Variants in ALK observed in about 807,000 individuals in gnomAD.
ALK encodes the protein ALK tyrosine kinase receptor.
In ALK, 74 loss-of-function variants were observed where a neutral mutation model predicts 163.1. That is an observed-to-expected ratio of 0.45 (90% CI 0.38 to 0.55). The LOEUF (loss-of-function observed/expected upper bound fraction) is 0.55, where lower values mean the gene tolerates loss of function less well. Ranked by LOEUF, ALK falls within the 20% of genes least tolerant of loss-of-function variation. The pLI, the probability that ALK is intolerant of heterozygous loss-of-function variation, is 0.00. For synonymous variants in ALK, 960 were observed against 843.2 expected, an observed-to-expected ratio of 1.14 and a Z score of -2.40; for missense variants, 2,063 against 2,105.3, an observed-to-expected ratio of 0.98 and a Z score of 0.39.
intron 1 of ALK, among the ~76,000 whole-genome samples, chr2:29,766,711 G>A (rs192066994): frequency 1.4e-4 from 21 of 152,308 alleles, no homozygotes; most frequent in Admixed American, 1.4e-3. Context: ...CAGGCCTGGA[G>A]CAAAGCTGAA....
intron 3 of ALK, among the ~76,000 whole-genome samples, chr2:29,686,330 G>A (rs1203336810): frequency 1.3e-5 from 2 of 152,168 alleles, no homozygotes; most frequent in African/African-American, 2.4e-5. Flanking sequence ...TCTTGGCTCT[G>A]TGGTACAAAG....
intron 1 of ALK, among the ~76,000 whole-genome samples, chr2:29,808,339 G>A (rs561067175): frequency 1.3e-5 from 2 of 152,124 alleles, no homozygotes; most frequent in East Asian, 1.9e-4. Flanking sequence ...AGGCAGCCTC[G>A]TCTGAAAAGC....
chr2:29,609,086 G>A (rs763882346), intron 3 of ALK, among the ~76,000 whole-genome samples: 10 of 152,084 alleles, frequency 6.6e-5, no homozygotes, highest in Non-Finnish European at 1.5e-4. Flanking sequence ...ACCATGCCTG[G>A]CTAAGTTTTG....
At chr2:29,508,374 T>G (rs967896081) in intron 4 of ALK, among the ~76,000 whole-genome samples, 1 of 152,082 alleles carries the variant, frequency 6.6e-6, no homozygotes, top group African/African-American at 2.4e-5. Flanking sequence ...CCATAAAAAA[T>G]GATGAGTTCA....
intron 3 of ALK, among the ~76,000 whole-genome samples, chr2:29,640,825 G>A (rs1442094004): frequency 1.3e-5 from 2 of 152,070 alleles, no homozygotes; most frequent in Non-Finnish European, 1.5e-5. Flanking sequence ...TTATGGAAGG[G>A]GTCCATATGG....
At chr2:29,906,886 C>T (rs1192119227) in intron 1 of ALK, among the ~76,000 whole-genome samples, 3 of 149,760 alleles carry the variant, frequency 2.0e-5, no homozygotes, top group Admixed American at 2.0e-4. Flanking sequence ...ACAGGGAAGC[C>T]TTGGAAAATA....
chr2:29,672,673 G>A (rs1417086984), intron 3 of ALK, among the ~76,000 whole-genome samples: 3 of 152,086 alleles, frequency 2.0e-5, no homozygotes, highest in East Asian at 1.9e-4. Flanking sequence ...ATGATTTATA[G>A]TCCTTTGGGT....
intron 1 of ALK, among the ~76,000 whole-genome samples, chr2:29,866,052 C>A (rs1666427931): frequency 1.3e-5 from 2 of 152,122 alleles, no homozygotes; most frequent in African/African-American, 4.8e-5. Flanking sequence ...ACTAACCTAA[C>A]AGTTGTCCCC....
intron 3 of ALK, among the ~76,000 whole-genome samples, chr2:29,532,616 C>A (rs562593114): frequency 6.6e-6 from 1 of 152,284 alleles, no homozygotes; most frequent in African/African-American, 2.4e-5. Flanking sequence ...TGCAACTGGT[C>A]TCCACAGAAA....
chr2:29,659,706 T>C (rs1677292436), intron 3 of ALK, among the ~76,000 whole-genome samples: 1 of 152,140 alleles, frequency 6.6e-6, no homozygotes. Flanking sequence ...AGACCAGGCA[T>C]TTCTGAGGGT....
chr2:29,200,713 A>G (rs1339149910), intron 26 of ALK, among the ~76,000 whole-genome samples: 1 of 148,576 alleles, frequency 6.7e-6, no homozygotes. Flanking sequence ...AAAATCAAAT[A>G]TACATACGTA....
At position 29,755,971 on chromosome 2, in the gene ALK, G is replaced by A. The variant is rs116332527; in HGVS notation, c.668-38274C>T. Among the ~76,000 whole-genome samples the A allele has an allele frequency of 8.0e-3, 1,211 of 152,278 alleles. 18 individuals carry two copies. The highest frequency in any genetic ancestry group is 0.028 in the African/African-American group (1,154 of 41,550). ...AATAAGTACATGCAAGGAGGCTGCCGTTGGCCCAGATGCACCTCAGTTGTG... is the reference window on the plus strand; with the variant it reads ...AATAAGTACATGCAAGGAGGCTGCCATTGGCCCAGATGCACCTCAGTTGTG... On this transcript the variant is annotated intron_variant, in intron 1 of 28. Coordinates refer to ENST00000389048, the MANE Select transcript of ALK (RefSeq NM_004304.5).
chr2:29,479,016 T>C (rs1230023866), intron 4 of ALK, among the ~76,000 whole-genome samples: 1 of 152,134 alleles, frequency 6.6e-6, no homozygotes, highest in African/African-American at 2.4e-5. Context: ...TGCCATGACA[T>C]CCTGTGTCCT....
At chr2:29,448,017 G>GT (rs1309236777) in intron 4 of ALK, among the ~76,000 whole-genome samples, 2 of 152,150 alleles carry the variant, frequency 1.3e-5, no homozygotes, top group Non-Finnish European at 2.9e-5. Flanking sequence ...AACATTCTTG[G>GT]TTTTTTGCAT....
chr2:29,242,324 C>T (rs1173633207), intron 12 of ALK, among the ~76,000 whole-genome samples: 1 of 152,230 alleles, frequency 6.6e-6, no homozygotes, highest in Non-Finnish European at 1.5e-5. Flanking sequence ...CTACCCACTC[C>T]TGCTGTGGTT....
chr2:29,656,407 T>C (rs1194575932), intron 3 of ALK, among the ~76,000 whole-genome samples: 1 of 152,182 alleles, frequency 6.6e-6, no homozygotes, highest in East Asian at 1.9e-4. Context: ...ACTGTAAGCA[T>C]GTATTTAAAC....
At chr2:29,404,028 G>C (rs766011998) in intron 4 of ALK, among the ~76,000 whole-genome samples, 19 of 152,146 alleles carry the variant, frequency 1.2e-4, no homozygotes, top group Non-Finnish European at 2.2e-4. Flanking sequence ...TGTAGGCCGG[G>C]CATGTTAGCT....
At chr2:29,429,969 T>C (rs1670234684) in intron 4 of ALK, among the ~76,000 whole-genome samples, 1 of 151,960 alleles carries the variant, frequency 6.6e-6, no homozygotes, top group Admixed American at 6.6e-5. Context: ...GAAAGAATAG[T>C]CTATAAAAAA....
intron 5 of ALK, among the ~76,000 whole-genome samples, chr2:29,366,460 G>T (rs1200044666): frequency 6.6e-6 from 1 of 152,196 alleles, no homozygotes; most frequent in Non-Finnish European, 1.5e-5. Flanking sequence ...AGAAGCATAG[G>T]AGAGCTTTGA....
Sources: gnomAD v4.1 joint callset for allele counts (sites outside exome capture counted in the v4.1 genomes callset) on GRCh38, gnomAD v4.1.1 for gene constraint, MANE v1.5 for transcripts, NCBI Gene and HGNC (gene_info 2026-07-23, HGNC 2026-07-21) for gene names.